The following UBA6 variants were observed in gnomAD, a reference collection of about 807,000 sequenced individuals.
UBA6 encodes the protein ubiquitin like modifier activating enzyme 6, also known as ubiquitin-like modifier-activating enzyme 6.
UBA6 carries 87 observed loss-of-function variants against 148.3 expected under a neutral mutation model. The observed-to-expected ratio is 0.59, with a 90% CI of 0.49 to 0.70. UBA6 has a LOEUF of 0.70. Among genes scored for constraint, UBA6 ranks in the 30% least tolerant of loss-of-function variants. The pLI is 0.00. For missense variants in UBA6, 1,186 were observed against 1,241.2 expected, an observed-to-expected ratio of 0.96 and a Z score of 0.67; for synonymous variants, 376 against 401.0, an observed-to-expected ratio of 0.94 and a Z score of 0.75.
chr4:67,646,603 A>C, intron 15 of UBA6, 121 bp downstream of exon 15: 1 of 664,040 alleles, frequency 1.5e-6, no homozygotes, highest in South Asian at 1.8e-5. Flanking sequence ...ATTCCTAAGT[A>C]GAGAAAAAAC....
intron 20 of UBA6, 31 bp downstream of exon 20, chr4:67,635,422 G>T: frequency 7.8e-7 from 1 of 1,288,824 alleles, no homozygotes; most frequent in South Asian, 1.3e-5. Context: ...ATATAAAAAA[G>T]ACATCTATTT....
chr4:67,679,581 T>A (rs1303580011), intron 4 of UBA6, among the ~76,000 whole-genome samples: 1 of 152,058 alleles, frequency 6.6e-6, no homozygotes, highest in Non-Finnish European at 1.5e-5. Flanking sequence ...TACATTATTA[T>A]TAACAATATT....
At chr4:67,665,318 C>T in intron 9 of UBA6, 26 bp from the exon 10 acceptor site, 1 of 1,354,322 alleles carries the variant, frequency 7.4e-7, no homozygotes, top group Non-Finnish European at 1.0e-6. Flanking sequence ...TTTAAAAAAT[C>T]ATTACACAGG....
At chr4:67,659,604 C>CGTTT (rs1729789478) in intron 13 of UBA6, among the ~76,000 whole-genome samples, 2 of 9,958 alleles carry the variant, frequency 2.0e-4, no homozygotes, top group Non-Finnish European at 4.8e-4. Context: ...ATACCCAAAA[C>CGTTT]TGGGTATTTT....
rs1005647182 is a variant in UBA6, at chr4:67,627,229, A to T, written c.2401-752T>A. On this transcript the variant is annotated intron_variant, in intron 27 of 32. Transcript: ENST00000322244. ...ATACACTCAAATCATCGTTTTACAA[A>T]TTAAACATTATTACAAAAAATTAAG... is the stretch of plus-strand genomic sequence containing the variant. Among the ~76,000 whole-genome samples, 57 of 152,090 alleles carry T rather than the reference A, an allele frequency of 3.7e-4. 1 individual carries two copies. Among genetic ancestry groups the T allele is most frequent in the African/African-American group, 1.3e-3 (55 of 41,554 alleles).
chr4:67,700,910 G>T, intron 1 of UBA6, 139 bp downstream of exon 1: 1 of 971,276 alleles, frequency 1.0e-6, no homozygotes, highest in Non-Finnish European at 1.5e-6. Context: ...CTCCGCGCGC[G>T]CCCCTCGCCT....
chr4:67,617,220 T>C lies in UBA6; in HGVS notation c.*1777A>G, dbSNP rs1553904000. 2.6e-5 allele frequency: 4 copies of C among 152,246 alleles called. No homozygotes were observed. The South Asian group carries it at 8.3e-4, about 32-fold the overall frequency. The allele number at this position is 152,246 out of a possible 1,614,324, so 9.4% of individuals were successfully genotyped here. A position where few individuals can be genotyped will look rare whatever the true frequency, so the allele number is the denominator to read the frequency against. ...CATATTTATGGACTGCTGAATTAACTACCCGAAAAGTATCAGTTACTTTCA... is the reference window on the plus strand; with the variant it reads ...CATATTTATGGACTGCTGAATTAACCACCCGAAAAGTATCAGTTACTTTCA... On this transcript the variant is annotated 3_prime_UTR_variant, in exon 33 of 33. Transcript: ENST00000322244.
intron 2 of UBA6, among the ~76,000 whole-genome samples, chr4:67,684,429 C>T (rs1560500506): frequency 6.6e-6 from 1 of 151,870 alleles, no homozygotes; most frequent in Admixed American, 6.6e-5. Flanking sequence ...AATTATGATT[C>T]TTTTTTTATG....
At chr4:67,665,407 C>A in intron 9 of UBA6, 115 bp from the exon 10 acceptor site, 5 of 587,356 alleles carry the variant, frequency 8.5e-6, no homozygotes, top group Non-Finnish European at 1.4e-5. Flanking sequence ...AGAATTCCAG[C>A]ATAGTGTTTT....
At chr4:67,637,337 C>T (rs558127326) in intron 19 of UBA6, among the ~76,000 whole-genome samples, 1 of 150,754 alleles carries the variant, frequency 6.6e-6, no homozygotes, top group Non-Finnish European at 1.5e-5. Context: ...CCCACCTGGC[C>T]AGCTGCCCCG....
intron 13 of UBA6, among the ~76,000 whole-genome samples, chr4:67,658,333 C>T (rs1729754596): frequency 6.6e-6 from 1 of 152,134 alleles, no homozygotes; most frequent in Non-Finnish European, 1.5e-5. Context: ...ATGTCCACAT[C>T]AAAATCTATA....
At chr4:67,637,487 A>C (rs1729190695) in intron 19 of UBA6, among the ~76,000 whole-genome samples, 1 of 152,010 alleles carries the variant, frequency 6.6e-6, no homozygotes, top group African/African-American at 2.4e-5. Context: ...GTTTTGTAGA[A>C]TAGAAAAGGG....
intron 13 of UBA6, among the ~76,000 whole-genome samples, chr4:67,657,832 A>AG (rs909282360): frequency 6.6e-6 from 1 of 150,490 alleles, no homozygotes; most frequent in Non-Finnish European, 1.5e-5. Context: ...TTTACAAAAA[A>AG]AAAAAAAAAA....
intron 4 of UBA6, among the ~76,000 whole-genome samples, chr4:67,681,166 G>A (rs1284358624): frequency 6.6e-6 from 1 of 152,006 alleles, no homozygotes; most frequent in Non-Finnish European, 1.5e-5. Context: ...CTAATACAAT[G>A]GTATTAAGAG....
At chr4:67,689,669 A>T (rs1046797180) in intron 2 of UBA6, among the ~76,000 whole-genome samples, 2 of 152,058 alleles carry the variant, frequency 1.3e-5, no homozygotes, top group Non-Finnish European at 2.9e-5. Flanking sequence ...TTAAGGATGG[A>T]ATGTGTAAGT....
chr4:67,700,222 A>G (rs1243366214), intron 1 of UBA6, among the ~76,000 whole-genome samples: 59 of 152,232 alleles, frequency 3.9e-4, no homozygotes, highest in Non-Finnish European at 5.9e-5. Flanking sequence ...AACACCATGA[A>G]ACTGAAAGCA....
intron 32 of UBA6, among the ~76,000 whole-genome samples, chr4:67,621,293 A>G (rs1466091080): frequency 6.6e-6 from 1 of 152,260 alleles, no homozygotes; most frequent in African/African-American, 2.4e-5. Flanking sequence ...ATAATTTAAG[A>G]ATGATTAACC....
chr4:67,682,519 G>A (rs1410690588), intron 2 of UBA6, among the ~76,000 whole-genome samples: 3 of 152,134 alleles, frequency 2.0e-5, no homozygotes, highest in Non-Finnish European at 2.9e-5. Flanking sequence ...ATTCCTTCCT[G>A]TTCCTCTCAT....
At chr4:67,677,083 T>C (rs896366484) in intron 6 of UBA6, among the ~76,000 whole-genome samples, 1 of 152,198 alleles carries the variant, frequency 6.6e-6, no homozygotes, top group African/African-American at 2.4e-5. Context: ...TTCTGCTTCT[T>C]GACTTTAGGC....
Sources: gnomAD v4.1 joint callset for allele counts (sites outside exome capture counted in the v4.1 genomes callset) on GRCh38, gnomAD v4.1.1 for gene constraint, MANE v1.5 for transcripts, NCBI Gene and HGNC (gene_info 2026-07-23, HGNC 2026-07-21) for gene names.